The following KDM5A variants were observed in gnomAD, a reference collection of about 807,000 sequenced individuals.
The protein encoded by KDM5A is lysine-specific demethylase 5A.
In KDM5A, 42 loss-of-function variants were observed where a neutral mutation model predicts 193.5. That is an observed-to-expected ratio of 0.22 (90% CI 0.17 to 0.28). The LOEUF (loss-of-function observed/expected upper bound fraction) is 0.28. KDM5A is among the 10% of genes least tolerant of loss of function. KDM5A has a pLI of 1.00. For synonymous variants in KDM5A, 796 were observed against 718.1 expected (o/e 1.11, Z -1.73); for missense variants, 1,692 against 2,055.1 (o/e 0.82, Z 3.42).
At chr12:311,218 G>C in intron 20 of KDM5A, 154 bp from the exon 21 acceptor site, 2 of 693,254 alleles carry the variant, frequency 2.9e-6, no homozygotes, top group Non-Finnish European at 2.4e-6. Context: ...AACTTCCAAT[G>C]TCCTATTTTT....
chr12:371,895 G>C (rs1944432369), intron 3 of KDM5A, among the ~76,000 whole-genome samples: 1 of 152,204 alleles, frequency 6.6e-6, no homozygotes, highest in South Asian at 2.1e-4. Flanking sequence ...GTTTGTCAAA[G>C]ATCAGACGGT....
chr12:285,092 TCTAA>T lies in KDM5A; in HGVS notation c.*360_*363del. 2.9e-6 allele frequency: 1 copy of T among 340,066 alleles called. No homozygotes were observed. Among genetic ancestry groups the T allele is most frequent in the South Asian group, 5.6e-5 (1 of 17,884 alleles). 21.1% of individuals were successfully genotyped at this position (340,066 alleles called of 1,614,324 possible). Reference sequence around the variant, plus strand: ...TGGTGCTGCTCCTAAGTTGTAAGCCTCTAACTACTATCAGCTGGACAAAAGCCAC... The same window carrying T: ...TGGTGCTGCTCCTAAGTTGTAAGCCTCTACTATCAGCTGGACAAAAGCCAC... On this transcript the variant is annotated 3_prime_UTR_variant, in exon 28 of 28. Coordinates refer to ENST00000399788, the MANE Select transcript of KDM5A (RefSeq NM_001042603.3).
chr12:355,449 C>G (rs1326839528), intron 6 of KDM5A, among the ~76,000 whole-genome samples, 200 bp from the exon 7 acceptor site: 1 of 152,130 alleles, frequency 6.6e-6, no homozygotes, highest in African/African-American at 2.4e-5. Flanking sequence ...AATCATACAG[C>G]AAGGCAAATT....
intron 3 of KDM5A, among the ~76,000 whole-genome samples, chr12:383,674 T>G (rs1944604125): frequency 6.6e-6 from 1 of 152,132 alleles, no homozygotes. Context: ...TAAATATTGA[T>G]CTCAACAAAT....
rs114175532 is a variant in KDM5A at position 281,651 on chromosome 12, G to A, written c.*3805C>T. 2.1e-3 allele frequency: 503 copies of A among 234,276 alleles called. 2 individuals are homozygous for A. Among genetic ancestry groups the A allele is most frequent in the African/African-American group, 0.01 (473 of 45,420 alleles). 14.5% of individuals were successfully genotyped at this position (234,276 alleles called of 1,614,324 possible). On this transcript the variant is annotated 3_prime_UTR_variant, in exon 28 of 28. Coordinates refer to ENST00000399788, the MANE Select transcript of KDM5A (RefSeq NM_001042603.3). ...AGCTTTATTAAATCTGGTTATATGT[G>A]GGACTTCAACAGCTCAATTTTTCCA...
At chr12:346,972 A>G (rs1470584745) in intron 10 of KDM5A, among the ~76,000 whole-genome samples, 3 of 151,278 alleles carry the variant, frequency 2.0e-5, no homozygotes, top group Non-Finnish European at 4.5e-5. Flanking sequence ...GAGGAAGTCA[A>G]ATTGTCCCTG....
chr12:381,708 C>G (rs574493784), intron 3 of KDM5A, among the ~76,000 whole-genome samples: 1 of 152,116 alleles, frequency 6.6e-6, no homozygotes, highest in Non-Finnish European at 1.5e-5. Context: ...AAGTCTCAAG[C>G]TGTATTTTAG....
In KDM5A at chr12:292,775, C is replaced by T. The variant is rs375859999; in HGVS notation, c.4850G>A (p.Arg1617Lys). The change falls in exon 27 of 28, where the codon AGG (arginine) becomes AAG (lysine). Residue 1617 changes from arginine to lysine, a missense_variant. Transcript: ENST00000399788. Reference protein sequence around the residue: ...NAVCAAQNCQRPCKDKVDWVQ... With the variant: ...NAVCAAQNCQKPCKDKVDWVQ... ...GGAACTCACCTTGTCCTTGCAGGGCCTTTGGCAGTTCTGTGCTGCGCACAC... is the reference window on the plus strand; with the variant it reads ...GGAACTCACCTTGTCCTTGCAGGGCTTTTGGCAGTTCTGTGCTGCGCACAC... The T allele has an allele frequency of 2.5e-6, 4 of 1,614,118 alleles. No homozygotes were observed. Among genetic ancestry groups the T allele is most frequent in the African/African-American group, 1.3e-5 (1 of 74,946 alleles).
chr12:358,923 A>C (rs905347132), intron 5 of KDM5A, among the ~76,000 whole-genome samples: 5 of 152,112 alleles, frequency 3.3e-5, no homozygotes, highest in African/African-American at 1.2e-4. Flanking sequence ...GTGAGCTGAG[A>C]TCATGCCACT....
At chr12:359,828 G>GGGAGGGAGGGAGGAAA (rs538418328) in intron 5 of KDM5A, among the ~76,000 whole-genome samples, 1 of 149,238 alleles carries the variant, frequency 6.7e-6, no homozygotes, top group Non-Finnish European at 1.5e-5. Context: ...GAGGCAAGGA[G>GGGAGGGAGGGAGGAAA]GGAGGGAGGG....
At chr12:304,585 A>C (rs1943483003) in intron 24 of KDM5A, among the ~76,000 whole-genome samples, 1 of 151,800 alleles carries the variant, frequency 6.6e-6, no homozygotes, top group South Asian at 2.1e-4. Flanking sequence ...CATTCTTCTC[A>C]GCTGTCAAAT....
chr12:362,302 G>C (rs1187071873), intron 5 of KDM5A, among the ~76,000 whole-genome samples: 2 of 151,824 alleles, frequency 1.3e-5, no homozygotes, highest in African/African-American at 4.8e-5. Flanking sequence ...AAAAAGAAAA[G>C]AAAGAAACAA....
intron 10 of KDM5A, among the ~76,000 whole-genome samples, chr12:337,209 C>G (rs1274083165): frequency 6.6e-6 from 1 of 152,152 alleles, no homozygotes; most frequent in Non-Finnish European, 1.5e-5. Context: ...GAAAGTTTCC[C>G]GAAGCCTCCT....
At position 284,725 on chromosome 12, in the gene KDM5A, A is replaced by G; in HGVS notation, c.*731T>C. On this transcript the variant is annotated 3_prime_UTR_variant, in exon 28 of 28. Transcript: ENST00000399788. ...GACAGCAAGACTTTTCAAAGCCAAA[A>G]AACGGCTCCTTGCCTTGTAGTAGGT... 4.3e-6 allele frequency: 1 copy of G among 233,160 alleles called. No homozygotes were observed. Among genetic ancestry groups the G allele is most frequent in the Non-Finnish European group, 8.5e-6 (1 of 117,826 alleles). The allele number at this position is 233,160 out of a possible 1,614,324, so 14.4% of individuals were successfully genotyped here.
chr12:297,532 AC>A (rs773925649), intron 24 of KDM5A, among the ~76,000 whole-genome samples: 16 of 152,166 alleles, frequency 1.1e-4, no homozygotes, highest in Admixed American at 3.3e-4. Flanking sequence ...TAAGATTTTC[AC>A]CCGGGTTTTC....
chr12:326,864 C>CAAAAAAAAAAAAAAA, intron 14 of KDM5A, among the ~76,000 whole-genome samples: 1 of 85,994 alleles, frequency 1.2e-5, no homozygotes, highest in Non-Finnish European at 2.2e-5. Context: ...GACTCTGTCT[C>CAAAAAAAAAAAAAAA]AAAAAAAAAA....
intron 22 of KDM5A, among the ~76,000 whole-genome samples, chr12:308,924 C>T (rs1943547694): frequency 6.6e-6 from 1 of 152,158 alleles, no homozygotes; most frequent in South Asian, 2.1e-4. Flanking sequence ...TCATCAACTA[C>T]AAATATTTTA....
chr12:330,079 G>A (rs1167132607), intron 13 of KDM5A, among the ~76,000 whole-genome samples: 2,365 of 130,932 alleles, frequency 0.018, 104 homozygotes, highest in South Asian at 0.17. Context: ...GTGTGTGTGT[G>A]TGTGTGTATA....
rs1943191177 is a variant in KDM5A, at chr12:284,303, G to GA, written c.*1152dup. 1 of 227,852 alleles carries GA rather than the reference G, an allele frequency of 4.4e-6. No individual in the cohort carries two copies. The highest frequency in any genetic ancestry group is 1.8e-4 in the South Asian group (1 of 5,454). 14.1% of individuals were successfully genotyped at this position (227,852 alleles called of 1,614,324 possible). A position where few individuals can be genotyped will look rare whatever the true frequency, so the allele number is the denominator to read the frequency against. On this transcript the variant is annotated 3_prime_UTR_variant, in exon 28 of 28. Coordinates refer to ENST00000399788, the MANE Select transcript of KDM5A (RefSeq NM_001042603.3). Reference sequence around the variant, plus strand: ...AACAGTCAGTAGTCAGAGACATTTAGAAAAAAGTAAAAACAAGTCCTTTTT... The same window carrying GA: ...AACAGTCAGTAGTCAGAGACATTTAGAAAAAAAGTAAAAACAAGTCCTTTTT...
Sources: gnomAD v4.1 joint callset for allele counts (sites outside exome capture counted in the v4.1 genomes callset) on GRCh38, gnomAD v4.1.1 for gene constraint, MANE v1.5 for transcripts, NCBI Gene and HGNC (gene_info 2026-07-23, HGNC 2026-07-21) for gene names.